Variants in SLC44A1 observed in about 807,000 individuals in gnomAD.
The protein encoded by SLC44A1 is solute carrier family 44 member 1.
SLC44A1 carries 26 observed loss-of-function variants against 79.3 expected under a neutral mutation model. The observed-to-expected ratio is 0.33, with a 90% CI of 0.24 to 0.46. The LOEUF is 0.46. Among genes scored for constraint, SLC44A1 ranks in the 20% least tolerant of loss-of-function variants. The pLI is 1.00. For synonymous variants in SLC44A1, 263 were observed against 286.2 expected (o/e 0.92, Z 0.82); for missense variants, 688 against 798.1 (o/e 0.86, Z 1.66).
chr9:105,296,759 C>T (rs551581827), intron 1 of SLC44A1, among the ~76,000 whole-genome samples: 1 of 152,328 alleles, frequency 6.6e-6, no homozygotes, highest in East Asian at 1.9e-4. Flanking sequence ...CTGTGAACAA[C>T]TGTCTTCCAA....
At chr9:105,338,866 T>C (rs1827002314) in intron 4 of SLC44A1, among the ~76,000 whole-genome samples, 1 of 152,230 alleles carries the variant, frequency 6.6e-6, no homozygotes, top group South Asian at 2.1e-4. Context: ...CAATCATTAA[T>C]TTCAGAGAGG....
At chr9:105,371,500 GCC>G (rs1564464121) in intron 12 of SLC44A1, among the ~76,000 whole-genome samples, 1 of 151,826 alleles carries the variant, frequency 6.6e-6, no homozygotes, top group African/African-American at 2.4e-5. Context: ...GGCCAAGGAG[GCC>G]TTGTGGATCA....
chr9:105,430,406 A>G (rs966759441), intron 15 of SLC44A1, among the ~76,000 whole-genome samples: 2 of 151,806 alleles, frequency 1.3e-5, no homozygotes, highest in Non-Finnish European at 2.9e-5. Flanking sequence ...CCAAAGAGAA[A>G]CTCCATGCCT....
intron 15 of SLC44A1, among the ~76,000 whole-genome samples, chr9:105,415,922 G>A (rs1287393687): frequency 2.5e-5 from 3 of 117,788 alleles, no homozygotes; most frequent in Admixed American, 1.0e-4. Context: ...TTTTTTTTGA[G>A]ATAGTATCTT....
At chr9:105,281,512 C>T (rs1031182879) in intron 1 of SLC44A1, among the ~76,000 whole-genome samples, 12 of 151,952 alleles carry the variant, frequency 7.9e-5, no homozygotes, top group African/African-American at 1.7e-4. Context: ...CTAGGAGTGA[C>T]GACTAAGGTG....
At chr9:105,428,557 C>T (rs1235787990) in intron 15 of SLC44A1, among the ~76,000 whole-genome samples, 3 of 152,186 alleles carry the variant, frequency 2.0e-5, no homozygotes, top group African/African-American at 7.2e-5. Flanking sequence ...TCTCAGTTTC[C>T]CCATCTGTAA....
At chr9:105,337,225 A>G (rs560161892) in intron 4 of SLC44A1, among the ~76,000 whole-genome samples, 67 of 152,194 alleles carry the variant, frequency 4.4e-4, no homozygotes, top group African/African-American at 1.5e-3. Flanking sequence ...GGTTAAAAGT[A>G]TATGCTCCGG....
rs1168603418 is a variant in SLC44A1, at chr9:105,394,309, G to C, written c.*5253G>C. 2.0e-6 allele frequency: 2 copies of C among 984,924 alleles called. No homozygotes were observed. The highest frequency in any genetic ancestry group is 1.2e-4 in the Admixed American group (2 of 16,244). 61.0% of individuals were successfully genotyped at this position (984,924 alleles called of 1,614,324 possible). ...TAACTTAAAGACTTTATGTAATTTA[G>C]TAGCAGGTTAGGGAATAGAAACCAC... On this transcript the variant is annotated 3_prime_UTR_variant, in exon 16 of 16. Transcript: ENST00000374720.
intron 13 of SLC44A1, among the ~76,000 whole-genome samples, chr9:105,379,600 A>G (rs1008160143): frequency 6.6e-6 from 1 of 152,222 alleles, no homozygotes; most frequent in Non-Finnish European, 1.5e-5. Context: ...AATAAAAAAA[A>G]GACATCATTA....
At chr9:105,377,789 A>G (rs1351607693) in intron 13 of SLC44A1, among the ~76,000 whole-genome samples, 1 of 151,936 alleles carries the variant, frequency 6.6e-6, no homozygotes, top group Non-Finnish European at 1.5e-5. Context: ...GAATATAAAG[A>G]TGATAAAACA....
chr9:105,281,810 A>G (rs1235337551), intron 1 of SLC44A1, among the ~76,000 whole-genome samples: 1 of 152,208 alleles, frequency 6.6e-6, no homozygotes, highest in Non-Finnish European at 1.5e-5. Flanking sequence ...AAGAAGCAGG[A>G]TTTAACTGGC....
intron 1 of SLC44A1, among the ~76,000 whole-genome samples, chr9:105,263,718 G>A (rs183138441): frequency 9.1e-4 from 139 of 151,944 alleles, no homozygotes; most frequent in African/African-American, 3.0e-3. Context: ...TGTATTTTTA[G>A]TAGAGACAGG....
intron 2 of SLC44A1, among the ~76,000 whole-genome samples, chr9:105,305,702 T>C (rs1158416326): frequency 6.6e-6 from 1 of 152,188 alleles, no homozygotes; most frequent in East Asian, 1.9e-4. Context: ...GCCATACTCA[T>C]ACACCATCTC....
chr9:105,331,149 A>G (rs547436293), intron 3 of SLC44A1, among the ~76,000 whole-genome samples: 4 of 152,346 alleles, frequency 2.6e-5, no homozygotes, highest in East Asian at 1.9e-4. Context: ...TAAGCTTAGT[A>G]AAAGATTCAC....
At chr9:105,402,219 A>G (rs1344637851), downstream of SLC44A1, among the ~76,000 whole-genome samples, 1 of 152,192 alleles carries the variant, frequency 6.6e-6, no homozygotes, top group African/African-American at 2.4e-5. Flanking sequence ...CAATCTAGCC[A>G]TATGGAGACT....
At chr9:105,300,969 C>G (rs979124225) in intron 2 of SLC44A1, among the ~76,000 whole-genome samples, 1 of 151,944 alleles carries the variant, frequency 6.6e-6, no homozygotes. Flanking sequence ...GGGGTTTCAC[C>G]GTGTTGGCCA....
chr9:105,421,738 C>T (rs1188187144), intron 15 of SLC44A1, among the ~76,000 whole-genome samples: 1 of 152,068 alleles, frequency 6.6e-6, no homozygotes, highest in Non-Finnish European at 1.5e-5. Context: ...CAGGTGCCTA[C>T]CACGGCGCCC....
intron 8 of SLC44A1, 27 bp from the exon 9 acceptor site, chr9:105,362,794 A>G (rs763860457): frequency 2.0e-6 from 3 of 1,498,186 alleles, no homozygotes; most frequent in Admixed American, 2.3e-5. Flanking sequence ...ACTTATAATA[A>G]TAACTGAAAC....
chr9:105,384,003 A>G (rs1274672622), intron 14 of SLC44A1, among the ~76,000 whole-genome samples: 2 of 152,202 alleles, frequency 1.3e-5, no homozygotes, highest in African/African-American at 4.8e-5. Context: ...TCAGTGTTAA[A>G]TGTTACCAAA....
Sources: gnomAD v4.1 joint callset for allele counts (sites outside exome capture counted in the v4.1 genomes callset) on GRCh38, gnomAD v4.1.1 for gene constraint, MANE v1.5 for transcripts, NCBI Gene and HGNC (gene_info 2026-07-23, HGNC 2026-07-21) for gene names.